The following KATNAL2 variants were observed in gnomAD, a reference collection of about 807,000 sequenced individuals.
KATNAL2 encodes katanin catalytic subunit A1 like 2.
A neutral mutation model predicts 76.3 loss-of-function variants in KATNAL2; 52 were observed. That is an observed-to-expected ratio of 0.68 (90% CI 0.55 to 0.86). The LOEUF (loss-of-function observed/expected upper bound fraction) is 0.86. Ranked by LOEUF, KATNAL2 falls within the 40% of genes least tolerant of loss-of-function variation. The pLI, the probability that KATNAL2 is intolerant of heterozygous loss-of-function variation, is 0.00. For missense variants in KATNAL2, 660 were observed against 668.9 expected (o/e 0.99, Z 0.15); for synonymous variants, 243 against 244.2 (o/e 1.00, Z 0.05).
intron 1 of KATNAL2, among the ~76,000 whole-genome samples, chr18:46,936,924 C>A (rs1446893684): frequency 6.6e-6 from 1 of 152,150 alleles, no homozygotes; most frequent in Admixed American, 6.6e-5. Flanking sequence ...CATTGCACTC[C>A]AGCCTGGGCA....
chr18:47,033,926 C>G (rs2060622954), intron 3 of KATNAL2: 2 of 1,612,860 alleles, frequency 1.2e-6, no homozygotes, highest in Non-Finnish European at 1.7e-6. Flanking sequence ...CCGGCGGAAT[C>G]AGCGCCGGCC....
intron 3 of KATNAL2, chr18:47,033,032 C>G (rs768718364): frequency 6.2e-7 from 1 of 1,614,140 alleles, no homozygotes; most frequent in Non-Finnish European, 8.5e-7. Context: ...CTCTTGTAGT[C>G]TCGAATTGCC....
rs2062895604 is a variant in KATNAL2, at chr18:47,089,118, C to CT, written c.1212-10122dup. On this transcript the variant is annotated intron_variant, in intron 15 of 17. Coordinates refer to ENST00000683218, the MANE Select transcript of KATNAL2 (RefSeq NM_001387690.1). ...CCTTCTATGCCATTCTACATGTTGCCTTTAAAACTCAAACCTTTTGTAACC... is the reference window on the plus strand; with the variant it reads ...CCTTCTATGCCATTCTACATGTTGCCTTTTAAAACTCAAACCTTTTGTAACC... 2.6e-5 allele frequency among the ~76,000 whole-genome samples: 4 copies of CT among 152,270 alleles called. No homozygotes were observed. The South Asian group carries it at 8.3e-4, about 32-fold the overall frequency.
chr18:46,926,942 A>C (rs1188812300), intron 1 of KATNAL2, among the ~76,000 whole-genome samples: 1 of 152,032 alleles, frequency 6.6e-6, no homozygotes. Flanking sequence ...TGCTTGGTAG[A>C]TCTTCCTCCA....
At chr18:47,096,020 C>A (rs2063217691) in intron 15 of KATNAL2, among the ~76,000 whole-genome samples, 1 of 152,100 alleles carries the variant, frequency 6.6e-6, no homozygotes. Context: ...CAGGGTGAGA[C>A]TGATAAAAGA....
rs779386297 is a variant in KATNAL2 at position 47,058,371 on chromosome 18, G to T, written c.450+19G>T. ...TAATCAGGTCAGGATGGCTTGGCTTGACTTTGTGAACAGCACACTTGGCTG... is the reference window on the plus strand; with the variant it reads ...TAATCAGGTCAGGATGGCTTGGCTTTACTTTGTGAACAGCACACTTGGCTG... On this transcript the variant is annotated intron_variant, in intron 7 of 17. Coordinates refer to ENST00000683218, the MANE Select transcript of KATNAL2 (RefSeq NM_001387690.1). 2.8e-6 allele frequency: 4 copies of T among 1,452,348 alleles called. No individual in the cohort carries two copies. In the South Asian group the frequency reaches 4.6e-5, roughly 17 times the overall value. 90.0% of individuals were successfully genotyped at this position (1,452,348 alleles called of 1,614,324 possible).
rs2061685647 is a variant in KATNAL2 at position 47,063,086 on chromosome 18, G to A, written c.648+16G>A. The A allele has an allele frequency of 6.2e-7, 1 of 1,602,892 alleles. No individual in the cohort carries two copies. Among genetic ancestry groups the A allele is most frequent in the Non-Finnish European group, 8.5e-7 (1 of 1,170,172 alleles). On this transcript the variant is annotated intron_variant, in intron 9 of 17. Transcript: ENST00000683218. ...AGACCCCTCAGTAAGTGGCGAAGAT[G>A]TGACATTCATCTTTCAAATTGCCAA...
intron 3 of KATNAL2, chr18:47,034,038 A>T: frequency 1.2e-6 from 2 of 1,614,080 alleles, no homozygotes; most frequent in East Asian, 2.2e-5. Context: ...TCCTTTGTTT[A>T]TCTCCAAGTG....
At chr18:47,099,935 C>T (rs1227105278) in intron 16 of KATNAL2, among the ~76,000 whole-genome samples, 1 of 152,130 alleles carries the variant, frequency 6.6e-6, no homozygotes, top group Non-Finnish European at 1.5e-5. Context: ...AATAAACGTG[C>T]CTACCAAATT....
intron 3 of KATNAL2, chr18:47,034,227 A>T: frequency 6.2e-7 from 1 of 1,613,826 alleles, no homozygotes; most frequent in Non-Finnish European, 8.5e-7. Flanking sequence ...TCCCCTCTTG[A>T]GTCTCTCGGT....
At chr18:47,100,573 T>G (rs1016857976) in intron 17 of KATNAL2, among the ~76,000 whole-genome samples, 54 of 152,242 alleles carry the variant, frequency 3.5e-4, no homozygotes, top group African/African-American at 1.2e-3. Context: ...AGGCTTTTAT[T>G]TCTCTGGCAC....
chr18:47,066,888 T>TATATATAC (rs11281082), intron 10 of KATNAL2, 133 bp from the exon 11 acceptor site: 33 of 75,834 alleles, frequency 4.4e-4, no homozygotes, highest in African/African-American at 1.4e-3. Context: ...TATATATATA[T>TATATATAC]ATATAATATG....
At chr18:47,033,609 G>A (rs1007258886) in intron 3 of KATNAL2, 1 of 1,614,190 alleles carries the variant, frequency 6.2e-7, no homozygotes, top group South Asian at 1.1e-5. Flanking sequence ...CAAGAACCCA[G>A]TAGGGGACCT....
chr18:47,075,899 T>C (rs2062195275), intron 14 of KATNAL2, among the ~76,000 whole-genome samples: 1 of 152,244 alleles, frequency 6.6e-6, no homozygotes, highest in Non-Finnish European at 1.5e-5. Flanking sequence ...TCTCTAAAGA[T>C]TGTCACTGAA....
chr18:46,929,434 A>G (rs941669707), intron 1 of KATNAL2, among the ~76,000 whole-genome samples: 3 of 151,622 alleles, frequency 2.0e-5, no homozygotes, highest in African/African-American at 7.3e-5. Flanking sequence ...GTAGAGACGG[A>G]GTTTCACCAT....
intron 14 of KATNAL2, chr18:47,076,185 G>A (rs2062212032): frequency 6.6e-6 from 1 of 152,134 alleles, no homozygotes; most frequent in African/African-American, 2.4e-5. Context: ...CAATTAATTA[G>A]CTTGTTGGAA....
At chr18:46,934,695 T>C (rs1412016159) in intron 1 of KATNAL2, among the ~76,000 whole-genome samples, 1 of 152,242 alleles carries the variant, frequency 6.6e-6, no homozygotes, top group Non-Finnish European at 1.5e-5. Context: ...GCCATTGCTT[T>C]TGGTGTTTTA....
intron 3 of KATNAL2, chr18:47,032,905 A>G: frequency 6.2e-7 from 1 of 1,600,646 alleles, no homozygotes; most frequent in Non-Finnish European, 8.5e-7. Context: ...ACCAAGTTAA[A>G]GGTTCTGGTG....
At chr18:47,039,659 A>G (rs1298766226) in intron 3 of KATNAL2, among the ~76,000 whole-genome samples, 1 of 152,226 alleles carries the variant, frequency 6.6e-6, no homozygotes, top group Admixed American at 6.5e-5. Context: ...TGAGGAGCAC[A>G]CAGAACACTA....
Sources: allele counts gnomAD v4.1 joint callset (sites outside exome capture counted in the v4.1 genomes callset), GRCh38; gene constraint gnomAD v4.1.1; transcripts MANE v1.5; gene names NCBI Gene and HGNC (gene_info 2026-07-23, HGNC 2026-07-21).